The following MAP4K5 variants were observed in gnomAD, a reference collection of about 807,000 sequenced individuals.
MAP4K5 encodes the protein mitogen-activated protein kinase kinase kinase kinase 5, also known as MAPK/ERK kinase kinase kinase 5.
Under a neutral mutation model 135.6 loss-of-function variants are expected in MAP4K5, and 82 were observed. That is an observed-to-expected ratio of 0.60 (90% CI 0.51 to 0.73). The LOEUF is 0.73. MAP4K5 is among the 30% of genes least tolerant of loss of function. The pLI, the probability that MAP4K5 is intolerant of heterozygous loss-of-function variation, is 0.00. For missense variants in MAP4K5, 907 were observed against 1,010.9 expected (o/e 0.90, Z 1.39); for synonymous variants, 347 against 335.0 (o/e 1.04, Z -0.39).
intron 1 of MAP4K5, among the ~76,000 whole-genome samples, chr14:50,552,956 G>A (rs971396381): frequency 6.6e-6 from 1 of 152,102 alleles, no homozygotes; most frequent in African/African-American, 2.4e-5. Context: ...CTTAGGCAAA[G>A]AATTCATGAC....
At chr14:50,496,711 T>C (rs1175430696) in intron 3 of MAP4K5, among the ~76,000 whole-genome samples, 1 of 151,838 alleles carries the variant, frequency 6.6e-6, no homozygotes, top group Non-Finnish European at 1.5e-5. Flanking sequence ...GGTCTTATCA[T>C]GTTGCCCAGG....
At chr14:50,555,509 C>G (rs1306407024) in intron 1 of MAP4K5, among the ~76,000 whole-genome samples, 1 of 152,190 alleles carries the variant, frequency 6.6e-6, no homozygotes, top group Non-Finnish European at 1.5e-5. Flanking sequence ...GTTTGAAACT[C>G]CTGAGCTCAG....
At chr14:50,479,368 A>T (rs1441277239) in intron 6 of MAP4K5, among the ~76,000 whole-genome samples, 2 of 152,120 alleles carry the variant, frequency 1.3e-5, no homozygotes, top group African/African-American at 4.8e-5. Context: ...CTCAAATTCA[A>T]ATATACGTTT....
chr14:50,485,094 T>C (rs181879524), intron 5 of MAP4K5, among the ~76,000 whole-genome samples: 15 of 152,210 alleles, frequency 9.9e-5, no homozygotes, highest in African/African-American at 3.4e-4. Context: ...TAGACTGTAA[T>C]GTCAAATTCA....
At chr14:50,492,010 T>G (rs901925645) in intron 3 of MAP4K5, among the ~76,000 whole-genome samples, 2 of 152,154 alleles carry the variant, frequency 1.3e-5, no homozygotes, top group African/African-American at 4.8e-5. Context: ...AGTTAGCACA[T>G]TATAATAATT....
intron 9 of MAP4K5, among the ~76,000 whole-genome samples, chr14:50,474,825 AT>A (rs2037059459): frequency 6.6e-6 from 1 of 152,220 alleles, no homozygotes; most frequent in Admixed American, 6.5e-5. Flanking sequence ...TCTTTTGAAA[AT>A]TTCATACCTA....
chr14:50,451,165 A>AAATG (rs1435883148), intron 14 of MAP4K5, among the ~76,000 whole-genome samples: 2 of 152,182 alleles, frequency 1.3e-5, no homozygotes, highest in Non-Finnish European at 2.9e-5. Context: ...TGCTTGCCTG[A>AAATG]AATGAAATTC....
intron 20 of MAP4K5, 121 bp from the exon 21 acceptor site, chr14:50,442,937 T>C (rs534549803): frequency 3.4e-6 from 2 of 590,890 alleles, no homozygotes; most frequent in East Asian, 6.0e-5. Flanking sequence ...TGTTGTTTCA[T>C]TCCAAAACAA....
chr14:50,506,918 C>G (rs935830067), intron 2 of MAP4K5, among the ~76,000 whole-genome samples: 1 of 152,188 alleles, frequency 6.6e-6, no homozygotes, highest in Non-Finnish European at 1.5e-5. Context: ...GTTAGCCTCA[C>G]GTCTTCTTCT....
At chr14:50,528,732 A>G (rs1174377896) in intron 2 of MAP4K5, among the ~76,000 whole-genome samples, 2 of 152,144 alleles carry the variant, frequency 1.3e-5, no homozygotes, top group African/African-American at 4.8e-5. Context: ...ACAGGGGGAT[A>G]TTATCTGAGT....
At position 50,442,759 on chromosome 14, in the gene MAP4K5, T is replaced by C. The variant is rs750069728; in HGVS notation, c.1537A>G (p.Thr513Ala). The change falls in exon 21 of 33, where the codon ACA becomes GCA. Residue 513 changes from threonine (T) to alanine (A), a missense_variant. By Grantham distance (58) the Thr-to-Ala change is moderately conservative. Transcript: ENST00000682126. Reference sequence around the variant, plus strand: ...TTTGTATCAGGATGTATCCAGGATGTTGCACAATTAATTTTCAAAGGACAG... The same window carrying C: ...TTTGTATCAGGATGTATCCAGGATGCTGCACAATTAATTTTCAAAGGACAG... ...DGCPLKINCATSWIHPDTKDQ... is the reference protein window; with the variant it reads ...DGCPLKINCAASWIHPDTKDQ... The C allele has an allele frequency of 5.6e-6, 9 of 1,598,980 alleles. No individual in the cohort carries two copies. Among genetic ancestry groups the C allele is most frequent in the Non-Finnish European group, 6.8e-6 (8 of 1,173,206 alleles).
intron 2 of MAP4K5, among the ~76,000 whole-genome samples, chr14:50,540,419 G>A (rs983076537): frequency 6.6e-6 from 1 of 152,148 alleles, no homozygotes; most frequent in Non-Finnish European, 1.5e-5. Flanking sequence ...CAAACCTGGA[G>A]TCCCTTAATT....
chr14:50,428,861 G>A, intron 29 of MAP4K5, 107 bp from the exon 30 acceptor site: 3 of 676,356 alleles, frequency 4.4e-6, no homozygotes, highest in Non-Finnish European at 7.5e-6. Context: ...TCTTAATAAA[G>A]TTCAACTATT....
intron 1 of MAP4K5, among the ~76,000 whole-genome samples, chr14:50,554,313 A>C (rs2038739234): frequency 6.6e-6 from 1 of 152,304 alleles, no homozygotes; most frequent in Non-Finnish European, 1.5e-5. Flanking sequence ...ACGTTTTGCT[A>C]ACAGGCATCA....
At chr14:50,453,270 AC>A (rs1456023334) in intron 14 of MAP4K5, among the ~76,000 whole-genome samples, 1 of 151,296 alleles carries the variant, frequency 6.6e-6, no homozygotes, top group Non-Finnish European at 1.5e-5. Context: ...CAGATGACAA[AC>A]CAAAAAAAAA....
At chr14:50,542,031 AAAAAAAAAAAAAAAAAAG>A (rs2140146751) in intron 2 of MAP4K5, among the ~76,000 whole-genome samples, 1 of 93,596 alleles carries the variant, frequency 1.1e-5, no homozygotes, top group East Asian at 2.9e-4. Context: ...AAAAAAAAAA[AAAAAAAAAAAAAAAAAAG>A]AATATGCTGT....
chr14:50,552,394 A>C (rs1269990789), intron 1 of MAP4K5, among the ~76,000 whole-genome samples: 3 of 152,378 alleles, frequency 2.0e-5, no homozygotes, highest in East Asian at 3.9e-4. Context: ...AACACATCCC[A>C]TGCTCATGAA....
At chr14:50,434,102 TG>T (rs2036034534) in intron 28 of MAP4K5, among the ~76,000 whole-genome samples, 1 of 152,196 alleles carries the variant, frequency 6.6e-6, no homozygotes, top group African/African-American at 2.4e-5. Flanking sequence ...TTTTAAGAAC[TG>T]CTTAGAAAGT....
At chr14:50,464,231 T>G (rs1172624962) in intron 11 of MAP4K5, 98 bp from the exon 12 acceptor site, 1 of 629,248 alleles carries the variant, frequency 1.6e-6, no homozygotes, top group Non-Finnish European at 2.8e-6. Context: ...TAAAACACCA[T>G]GATTTTTTAT....
Sources: gnomAD v4.1 joint callset for allele counts (sites outside exome capture counted in the v4.1 genomes callset) on GRCh38, gnomAD v4.1.1 for gene constraint, MANE v1.5 for transcripts, NCBI Gene and HGNC (gene_info 2026-07-23, HGNC 2026-07-21) for gene names.